Variants in ATP6V0A4 observed in about 807,000 individuals in gnomAD.
ATP6V0A4 encodes the protein V-type proton ATPase 116 kDa subunit a 4.
A neutral mutation model predicts 107.3 loss-of-function variants in ATP6V0A4; 86 were observed. That is an observed-to-expected ratio of 0.80 (90% confidence interval 0.67 to 0.96). The LOEUF is 0.96. Among genes scored for constraint, ATP6V0A4 ranks in the 40% least tolerant of loss-of-function variants. The pLI, the probability that ATP6V0A4 is intolerant of heterozygous loss-of-function variation, is 0.00. For synonymous variants in ATP6V0A4, 353 were observed against 381.4 expected, an observed-to-expected ratio of 0.93 and a Z score of 0.87; for missense variants, 908 against 1,045.6, an observed-to-expected ratio of 0.87 and a Z score of 1.81.
chr7:138,788,801 C>T (rs954201960), intron 1 of ATP6V0A4, among the ~76,000 whole-genome samples: 3 of 152,148 alleles, frequency 2.0e-5, no homozygotes, highest in Non-Finnish European at 4.4e-5. Context: ...TGGGAGTTCC[C>T]CTTCACACGC....
At chr7:138,745,022 A>G (rs1349148632) in intron 14 of ATP6V0A4, 101 bp downstream of exon 14, 1 of 1,093,756 alleles carries the variant, frequency 9.1e-7, no homozygotes, top group Non-Finnish European at 1.4e-6. Flanking sequence ...TTTCAAGTGC[A>G]CCTCTGAGTA....
intron 2 of ATP6V0A4, 66 bp from the exon 3 acceptor site, chr7:138,771,330 A>C: frequency 6.5e-7 from 1 of 1,548,790 alleles, no homozygotes; most frequent in African/African-American, 1.4e-5. Context: ...CTTAGGGTGA[A>C]ATTTTTAAGT....
chr7:138,718,582 G>A (rs1038331870), intron 19 of ATP6V0A4, among the ~76,000 whole-genome samples: 6 of 71,604 alleles, frequency 8.4e-5, no homozygotes, highest in Admixed American at 2.7e-4. Context: ...AGAGGCATGG[G>A]GCGGAATGGG....
intron 1 of ATP6V0A4, among the ~76,000 whole-genome samples, 160 bp from the exon 2 acceptor site, chr7:138,786,420 C>A (rs1156902375): frequency 3.3e-5 from 5 of 151,936 alleles, no homozygotes; most frequent in Non-Finnish European, 7.4e-5. Context: ...TGTCTCTACA[C>A]AAAATAAACT....
chr7:138,766,200 A>ATTTTTTTTTTTTTTT (rs1398843206), intron 5 of ATP6V0A4, among the ~76,000 whole-genome samples: 1 of 84,320 alleles, frequency 1.2e-5, no homozygotes, highest in Non-Finnish European at 2.2e-5. Context: ...TCATGTTATT[A>ATTTTTTTTTTTTTTT]TTATTTTTTT....
At chr7:138,732,553 C>T (rs1020776812) in intron 17 of ATP6V0A4, among the ~76,000 whole-genome samples, 2 of 151,916 alleles carry the variant, frequency 1.3e-5, no homozygotes, top group Non-Finnish European at 2.9e-5. Flanking sequence ...CAGCATTTTG[C>T]GAGGCCAAAG....
At chr7:138,769,117 C>G (rs1039162886) in intron 4 of ATP6V0A4, 56 bp downstream of exon 4, 2 of 1,595,560 alleles carry the variant, frequency 1.3e-6, no homozygotes, top group African/African-American at 2.8e-5. Context: ...AAACTATTAA[C>G]CCCCTTGCCA....
chr7:138,707,370 T>TATATTTATATATATATTATATTATATAA (rs1803496033), intron 21 of ATP6V0A4, among the ~76,000 whole-genome samples: 1 of 101,264 alleles, frequency 9.9e-6, no homozygotes, highest in South Asian at 2.7e-4. Flanking sequence ...ATATTATATA[T>TATATTTATATATATATTATATTATATAA]ATATTTATAT....
At chr7:138,755,112 C>T (rs969765173) in intron 10 of ATP6V0A4, among the ~76,000 whole-genome samples, 14 of 152,214 alleles carry the variant, frequency 9.2e-5, no homozygotes, top group African/African-American at 9.6e-5. Context: ...AGTCTGCCAG[C>T]GAGGGAGGCC....
At position 138,737,109 on chromosome 7, in the gene ATP6V0A4, CTT is replaced by C. The variant is rs1805364356; in HGVS notation, c.1572+2429_1572+2430del. ...ATTTGTGTTATGTAAAAAGTAAGCC[CTT>C]ATTAATATATATATATGATACAAAC... On this transcript the variant is annotated intron_variant, in intron 15 of 21. Coordinates refer to ENST00000310018, the MANE Select transcript of ATP6V0A4 (RefSeq NM_020632.3). 1.9e-4 allele frequency among the ~76,000 whole-genome samples: 9 copies of C among 46,392 alleles called. 2 individuals carry two copies. The East Asian group carries it at 0.019, about 99-fold the overall frequency. 30.4% of individuals were successfully genotyped at this position (46,392 alleles called of 152,430 possible).
intron 19 of ATP6V0A4, among the ~76,000 whole-genome samples, chr7:138,717,543 A>G (rs1242376844): frequency 6.7e-6 from 1 of 150,080 alleles, no homozygotes; most frequent in Non-Finnish European, 1.5e-5. Flanking sequence ...GACTCTGTCT[A>G]AAAAAAGAAA....
intron 20 of ATP6V0A4, 39 bp from the exon 21 acceptor site, chr7:138,709,834 T>C (rs1267027365): frequency 6.2e-7 from 1 of 1,606,974 alleles, no homozygotes; most frequent in Non-Finnish European, 8.5e-7. Flanking sequence ...ATCTTGTAAA[T>C]GCAGATTGTT....
chr7:138,755,338 A>C (rs999267875), intron 10 of ATP6V0A4, among the ~76,000 whole-genome samples: 9 of 152,190 alleles, frequency 5.9e-5, no homozygotes, highest in Admixed American at 2.0e-4. Context: ...TAATCAGTCA[A>C]ACTGGTTGTT....
At chr7:138,724,005 C>G (rs1414698436) in intron 18 of ATP6V0A4, among the ~76,000 whole-genome samples, 1 of 129,216 alleles carries the variant, frequency 7.7e-6, no homozygotes, top group Non-Finnish European at 1.6e-5. Flanking sequence ...GCCTGGGCAA[C>G]AAAGTGAGAT....
intron 7 of ATP6V0A4, 171 bp from the exon 8 acceptor site, chr7:138,760,049 G>T (rs1317430396): frequency 3.4e-6 from 2 of 592,690 alleles, no homozygotes; most frequent in Admixed American, 6.3e-5. Flanking sequence ...CCCGCATCCA[G>T]CCCTGACTTG....
At chr7:138,768,302 C>T (rs1222736245) in intron 5 of ATP6V0A4, among the ~76,000 whole-genome samples, 1 of 152,174 alleles carries the variant, frequency 6.6e-6, no homozygotes, top group Admixed American at 6.5e-5. Flanking sequence ...GAGAGCCCCA[C>T]CAGCTGAAAT....
chr7:138,713,824 G>A (rs540130198), intron 20 of ATP6V0A4, among the ~76,000 whole-genome samples: 2 of 152,184 alleles, frequency 1.3e-5, no homozygotes, highest in East Asian at 3.9e-4. Flanking sequence ...CTTCAGGCCA[G>A]GCACAATGGC....
chr7:138,738,252 G>A (rs1805446543), intron 15 of ATP6V0A4, among the ~76,000 whole-genome samples: 1 of 151,918 alleles, frequency 6.6e-6, no homozygotes, highest in Non-Finnish European at 1.5e-5. Context: ...TAACTTGTGG[G>A]CAGATGACAA....
intron 5 of ATP6V0A4, 187 bp from the exon 6 acceptor site, chr7:138,763,212 C>CACACA: frequency 3.0e-6 from 1 of 337,464 alleles, no homozygotes; most frequent in Non-Finnish European, 4.2e-6. Flanking sequence ...CACACACACA[C>CACACA]GTGCATGCTC....
Sources: allele counts gnomAD v4.1 joint callset (sites outside exome capture counted in the v4.1 genomes callset), GRCh38; gene constraint gnomAD v4.1.1; transcripts MANE v1.5; gene names NCBI Gene and HGNC (gene_info 2026-07-23, HGNC 2026-07-21).